EPHA6: variants seen among roughly 807,000 people sequenced by gnomAD.
EPHA6 encodes ephrin type-A receptor 6.
Under a neutral mutation model 112.0 loss-of-function variants are expected in EPHA6, and 50 were observed. The observed-to-expected ratio is 0.45, with a 90% CI of 0.36 to 0.56. EPHA6 has a LOEUF of 0.56. Ranked by LOEUF, EPHA6 falls within the 20% of genes least tolerant of loss-of-function variation. The pLI is 0.00. For missense variants in EPHA6, 1,280 were observed against 1,417.4 expected (o/e 0.90, Z 1.56); for synonymous variants, 529 against 490.7 (o/e 1.08, Z -1.03).
In EPHA6 at chr3:97,223,623, G is replaced by C. The variant is rs370119938; in HGVS notation, c.1115-2641G>C. Among the ~76,000 whole-genome samples, 38 of 152,168 alleles carry C rather than the reference G, an allele frequency of 2.5e-4. 2 individuals carry two copies. Among genetic ancestry groups the C allele is most frequent in the East Asian group, 1.3e-3 (7 of 5,186 alleles). Reference sequence around the variant, plus strand: ...ATCAAGGCAACAGCTTCTACTCTCCGAGGAAGAGAAAGCCAATGGAAGGCT... The same window carrying C: ...ATCAAGGCAACAGCTTCTACTCTCCCAGGAAGAGAAAGCCAATGGAAGGCT... On this transcript the variant is annotated intron_variant, in intron 3 of 17. Coordinates refer to ENST00000389672, the MANE Select transcript of EPHA6 (RefSeq NM_001080448.3).
chr3:96,855,233 T>A (rs2035624427), intron 1 of EPHA6, among the ~76,000 whole-genome samples: 1 of 152,168 alleles, frequency 6.6e-6, no homozygotes, highest in Admixed American at 6.5e-5. Context: ...CCCCCTATTT[T>A]AAGGGCGATT....
intron 3 of EPHA6, among the ~76,000 whole-genome samples, chr3:96,999,716 T>C (rs556861815): frequency 6.6e-6 from 1 of 152,026 alleles, no homozygotes; most frequent in Non-Finnish European, 1.5e-5. Flanking sequence ...CTCATGTGTC[T>C]GATAATGCAC....
At position 97,757,068 on chromosome 3, in the gene EPHA6, A is replaced by C; in HGVS notation, c.*8367A>C. 6.6e-6 allele frequency among the ~76,000 whole-genome samples: 1 copy of C among 151,864 alleles called. No individual in the cohort carries two copies. ...TATAGTAACCTCATTTTTTAAAAAA[A>C]TCAGAGGCAAAGCAAGAATGCAGAA... On this transcript the variant is annotated 3_prime_UTR_variant, in exon 18 of 18. Coordinates refer to ENST00000389672, the MANE Select transcript of EPHA6 (RefSeq NM_001080448.3).
At chr3:97,705,801 AT>A (rs1438084262) in intron 14 of EPHA6, among the ~76,000 whole-genome samples, 7 of 152,206 alleles carry the variant, frequency 4.6e-5, no homozygotes, top group Non-Finnish European at 8.8e-5. Context: ...GCCCTCTTTT[AT>A]TTTAAATCAT....
chr3:96,938,230 C>T (rs1040209526), intron 2 of EPHA6, among the ~76,000 whole-genome samples: 2 of 152,162 alleles, frequency 1.3e-5, no homozygotes, highest in Non-Finnish European at 2.9e-5. Flanking sequence ...TTGATTCTTC[C>T]AACCCATGAG....
intron 3 of EPHA6, among the ~76,000 whole-genome samples, chr3:97,167,395 T>C (rs954777191): frequency 1.3e-5 from 2 of 152,138 alleles, no homozygotes; most frequent in African/African-American, 4.8e-5. Flanking sequence ...GAAGTCTCAA[T>C]GATTTCTGTT....
At chr3:96,841,626 C>G (rs1385605921) in intron 1 of EPHA6, among the ~76,000 whole-genome samples, 3 of 152,030 alleles carry the variant, frequency 2.0e-5, no homozygotes, top group African/African-American at 7.2e-5. Flanking sequence ...GCTCCTCATT[C>G]AGCTTTGGTT....
At chr3:97,632,126 A>T (rs1286431493) in intron 13 of EPHA6, among the ~76,000 whole-genome samples, 1 of 152,062 alleles carries the variant, frequency 6.6e-6, no homozygotes, top group Non-Finnish European at 1.5e-5. Context: ...CTTCTTGTTC[A>T]TTCGTGATCT....
intron 13 of EPHA6, among the ~76,000 whole-genome samples, chr3:97,626,346 A>T (rs1302853939): frequency 2.0e-5 from 3 of 151,874 alleles, no homozygotes; most frequent in East Asian, 3.9e-4. Flanking sequence ...GATGCTGAAG[A>T]ACATAAATGT....
chr3:97,664,276 T>C (rs1246133733), intron 14 of EPHA6, among the ~76,000 whole-genome samples: 1 of 152,212 alleles, frequency 6.6e-6, no homozygotes, highest in Non-Finnish European at 1.5e-5. Context: ...TTTCTCCCAT[T>C]CTGTAGGATG....
intron 10 of EPHA6, among the ~76,000 whole-genome samples, chr3:97,495,244 A>C (rs1168309014): frequency 6.6e-6 from 1 of 151,386 alleles, no homozygotes; most frequent in African/African-American, 2.4e-5. Context: ...ATAGGTCTAC[A>C]CTATATATAT....
chr3:97,387,024 T>C (rs1429694494), intron 5 of EPHA6, among the ~76,000 whole-genome samples: 1 of 152,182 alleles, frequency 6.6e-6, no homozygotes, highest in Non-Finnish European at 1.5e-5. Context: ...AAGAGCACCA[T>C]GTCTTGAGGC....
intron 5 of EPHA6, among the ~76,000 whole-genome samples, chr3:97,402,710 C>T (rs1316860507): frequency 6.6e-6 from 1 of 152,010 alleles, no homozygotes; most frequent in African/African-American, 2.4e-5. Flanking sequence ...CTTTTATTTC[C>T]TAGTGACTTC....
intron 1 of EPHA6, among the ~76,000 whole-genome samples, chr3:96,851,494 T>C (rs1168164812): frequency 1.3e-5 from 2 of 152,172 alleles, no homozygotes; most frequent in African/African-American, 2.4e-5. Flanking sequence ...TGCTAGGTTC[T>C]AGAAAAATTG....
At chr3:97,389,997 G>A (rs1416047550) in intron 5 of EPHA6, among the ~76,000 whole-genome samples, 2 of 152,082 alleles carry the variant, frequency 1.3e-5, no homozygotes, top group Non-Finnish European at 2.9e-5. Context: ...TTACTAACTA[G>A]AGAAAATGAG....
intron 14 of EPHA6, among the ~76,000 whole-genome samples, chr3:97,692,278 G>A (rs974534720): frequency 3.9e-5 from 6 of 152,078 alleles, no homozygotes; most frequent in Non-Finnish European, 7.3e-5. Context: ...TTGTCTGGGT[G>A]AATATAATTA....
chr3:96,993,272 T>C (rs2043281761), intron 3 of EPHA6, among the ~76,000 whole-genome samples: 1 of 151,766 alleles, frequency 6.6e-6, no homozygotes, highest in South Asian at 2.1e-4. Context: ...GGCCTTTATA[T>C]GTTTCCCTTC....
intron 5 of EPHA6, among the ~76,000 whole-genome samples, chr3:97,264,753 T>C (rs1275518737): frequency 6.6e-6 from 1 of 152,110 alleles, no homozygotes; most frequent in Non-Finnish European, 1.5e-5. Flanking sequence ...TATTGAGCAA[T>C]AGAACAGCTC....
intron 5 of EPHA6, among the ~76,000 whole-genome samples, chr3:97,254,687 C>T (rs2079251056): frequency 6.6e-6 from 1 of 152,204 alleles, no homozygotes; most frequent in Admixed American, 6.5e-5. Context: ...GCAAGACGCA[C>T]ATATGCCCTT....
Sources: allele counts gnomAD v4.1 joint callset (sites outside exome capture counted in the v4.1 genomes callset), GRCh38; gene constraint gnomAD v4.1.1; transcripts MANE v1.5; gene names NCBI Gene and HGNC (gene_info 2026-07-23, HGNC 2026-07-21).